The following ANTXR2 variants were observed in gnomAD, a reference collection of about 807,000 sequenced individuals.
ANTXR2 encodes anthrax toxin receptor 2.
A neutral mutation model predicts 73.7 loss-of-function variants in ANTXR2; 44 were observed. That is an observed-to-expected ratio of 0.60 (90% CI 0.47 to 0.77). The LOEUF is 0.77. Among genes scored for constraint, ANTXR2 ranks in the 30% least tolerant of loss-of-function variants. The probability of loss-of-function intolerance (pLI) is 0.00; values close to 1 mark genes in which losing one functional copy is unlikely to be tolerated. For synonymous variants in ANTXR2, 217 were observed against 205.9 expected, an observed-to-expected ratio of 1.05 and a Z score of -0.46; for missense variants, 604 against 592.5, an observed-to-expected ratio of 1.02 and a Z score of -0.20.
At chr4:79,998,817 G>A (rs528502017) in intron 12 of ANTXR2, among the ~76,000 whole-genome samples, 1 of 151,918 alleles carries the variant, frequency 6.6e-6, no homozygotes, top group Non-Finnish European at 1.5e-5. Context: ...TCCCTTCATG[G>A]AACAGTTTGA....
At chr4:79,911,992 T>C (rs1196447947) in intron 16 of ANTXR2, among the ~76,000 whole-genome samples, 3 of 151,928 alleles carry the variant, frequency 2.0e-5, no homozygotes, top group East Asian at 1.9e-4. Flanking sequence ...ATTTAGTTAA[T>C]ATAAAATTGA....
chr4:80,052,100 A>T (rs1733796737), intron 7 of ANTXR2, among the ~76,000 whole-genome samples: 1 of 151,660 alleles, frequency 6.6e-6, no homozygotes, highest in Non-Finnish European at 1.5e-5. Context: ...AGTGCCACAT[A>T]TCTGAAAGAC....
At chr4:79,953,483 T>C (rs1257986458) in intron 16 of ANTXR2, among the ~76,000 whole-genome samples, 1 of 152,154 alleles carries the variant, frequency 6.6e-6, no homozygotes, top group African/African-American at 2.4e-5. Flanking sequence ...ATTATGACTG[T>C]GCCAACAGTA....
chr4:80,021,313 A>C (rs1399251722), intron 10 of ANTXR2, among the ~76,000 whole-genome samples: 1 of 152,096 alleles, frequency 6.6e-6, no homozygotes, highest in Non-Finnish European at 1.5e-5. Flanking sequence ...ATTCTGAAGA[A>C]ATGGGTGCCT....
rs188171044 is a variant in ANTXR2, at chr4:79,953,441, A to G, written c.1428+24180T>C. ...TCTAAAATGATGAAAGATTCTGAAA[A>G]CTAGATTTTAAGAGGGAATTATAAA... is the stretch of plus-strand genomic sequence containing the variant. On this transcript the variant is annotated intron_variant, in intron 16 of 16. Transcript: ENST00000403729. Among the ~76,000 whole-genome samples, 7 of 152,252 alleles carry G rather than the reference A, an allele frequency of 4.6e-5. No individual in the cohort carries two copies. The East Asian group carries it at 1.3e-3, about 29-fold the overall frequency.
chr4:80,017,864 C>T (rs1005325035), intron 11 of ANTXR2, among the ~76,000 whole-genome samples: 1 of 152,044 alleles, frequency 6.6e-6, no homozygotes, highest in African/African-American at 2.4e-5. Flanking sequence ...CCAAAAAGCA[C>T]AAATACAAAA....
At chr4:79,965,205 AAACTT>A (rs1729318371) in intron 16 of ANTXR2, 1 of 152,228 alleles carries the variant, frequency 6.6e-6, no homozygotes, top group Non-Finnish European at 1.5e-5. Context: ...TTATACAACT[AAACTT>A]GAGTTTCAAG....
intron 16 of ANTXR2, among the ~76,000 whole-genome samples, chr4:79,923,881 C>T (rs1455141598): frequency 1.3e-5 from 2 of 152,010 alleles, no homozygotes; most frequent in Non-Finnish European, 2.9e-5. Flanking sequence ...ACTCCAGACA[C>T]CAAGTTATGC....
chr4:79,937,010 T>C (rs957785493), intron 16 of ANTXR2, among the ~76,000 whole-genome samples: 2 of 152,132 alleles, frequency 1.3e-5, no homozygotes, highest in African/African-American at 4.8e-5. Flanking sequence ...TTAAAGCATT[T>C]TTCATTTTAA....
At chr4:79,999,606 T>C (rs1730919361) in intron 12 of ANTXR2, among the ~76,000 whole-genome samples, 1 of 152,112 alleles carries the variant, frequency 6.6e-6, no homozygotes, top group African/African-American at 2.4e-5. Context: ...CCCAATCATA[T>C]TGAAATGTAA....
chr4:79,919,894 TATATATATATATATATATATATATATAA>T lies in ANTXR2; in HGVS notation c.1429-12455_1429-12428del, dbSNP rs1330704452. On this transcript the variant is annotated intron_variant, in intron 16 of 16. Coordinates refer to ENST00000403729, the MANE Select transcript of ANTXR2 (RefSeq NM_058172.6). ...ATATATATATATATATATATATATA[TATATATATATATATATATATATATATAA>T]AAAATGATAGGGCAGACAAGTAATT... is the stretch of plus-strand genomic sequence containing the variant. Among the ~76,000 whole-genome samples the T allele has an allele frequency of 3.9e-3, 61 of 15,676 alleles. 1 individual carries two copies. Among genetic ancestry groups the T allele is most frequent in the Middle Eastern group, 0.029 (1 of 34 alleles). 10.3% of individuals were successfully genotyped at this position (15,676 alleles called of 152,430 possible).
intron 11 of ANTXR2, among the ~76,000 whole-genome samples, chr4:80,017,535 C>CA (rs11425887): frequency 0.74 from 112,661 of 151,966 alleles, 42,118 homozygotes; most frequent in East Asian, 0.95. Flanking sequence ...CCTTAAAGCA[C>CA]CAACCTATAC....
At position 80,011,270 on chromosome 4, in the gene ANTXR2, G is replaced by GCTATCTAT. The variant is rs34305853; in HGVS notation, c.946-2662_946-2655dup. ...GTCAGGGAAAATGCAACCTGGTCTT[G>GCTATCTAT]CTATCTATCTATCTATCTATCTATC... On this transcript the variant is annotated intron_variant, in intron 11 of 16. Transcript: ENST00000403729. Among the ~76,000 whole-genome samples the GCTATCTAT allele has an allele frequency of 3.1e-3, 467 of 149,254 alleles. 1 individual carries two copies. The highest frequency in any genetic ancestry group is 0.017 in the Middle Eastern group (5 of 290).
rs538898721 is a variant in ANTXR2, at chr4:80,019,710, G to A, written c.867-734C>T. Among the ~76,000 whole-genome samples, 8 of 152,218 alleles carry A rather than the reference G, an allele frequency of 5.3e-5. No homozygotes were observed. In the South Asian group the frequency reaches 1.5e-3, roughly 28 times the overall value. ...AGTGAATATGAAAGACAGCAACAAA[G>A]AAAAGAAAGGGAGAAAGATTTATTT... is the stretch of plus-strand genomic sequence containing the variant. On this transcript the variant is annotated intron_variant, in intron 10 of 16. Coordinates refer to ENST00000403729, the MANE Select transcript of ANTXR2 (RefSeq NM_058172.6).
chr4:79,966,680 G>GCAGTCTGCGCCCTTACACAAA (rs1729377804), intron 16 of ANTXR2, among the ~76,000 whole-genome samples: 1 of 152,032 alleles, frequency 6.6e-6, no homozygotes. Flanking sequence ...TCTCAATACA[G>GCAGTCTGCGCCCTTACACAAA]ATTATATCAC....
At position 80,055,916 on chromosome 4, in the gene ANTXR2, A is replaced by G. The variant is rs1222786342; in HGVS notation, c.378+16T>C. ...AAAGCATTCTCTCCCATATTTACAA[A>G]TGTAAAATAACTTACTAGCTTTAGT... On this transcript the variant is annotated intron_variant, in intron 4 of 16. Transcript: ENST00000403729. 3 of 1,479,362 alleles carry G rather than the reference A, an allele frequency of 2.0e-6. No individual in the cohort carries two copies. Among genetic ancestry groups the G allele is most frequent in the Non-Finnish European group, 2.7e-6 (3 of 1,097,516 alleles). The allele number at this position is 1,479,362 out of a possible 1,614,324, so 91.6% of individuals were successfully genotyped here.
intron 12 of ANTXR2, among the ~76,000 whole-genome samples, chr4:79,994,306 A>G (rs1464531663): frequency 6.6e-6 from 1 of 151,976 alleles, no homozygotes; most frequent in Non-Finnish European, 1.5e-5. Flanking sequence ...AACAATCCCA[A>G]TGTTCAAATT....
chr4:80,054,040 A>G (rs1454355074), intron 7 of ANTXR2, among the ~76,000 whole-genome samples: 1 of 151,760 alleles, frequency 6.6e-6, no homozygotes, highest in African/African-American at 2.4e-5. Context: ...CTTAAACTTG[A>G]AACCACAAAC....
chr4:79,936,326 C>T (rs1451380609), intron 16 of ANTXR2, among the ~76,000 whole-genome samples: 1 of 149,894 alleles, frequency 6.7e-6, no homozygotes, highest in African/African-American at 2.5e-5. Flanking sequence ...TATTTTCAGA[C>T]CTCCTGTCAT....
Sources: allele counts gnomAD v4.1 joint callset (sites outside exome capture counted in the v4.1 genomes callset), GRCh38; gene constraint gnomAD v4.1.1; transcripts MANE v1.5; gene names NCBI Gene and HGNC (gene_info 2026-07-23, HGNC 2026-07-21).